NELL2: variants seen among roughly 807,000 people sequenced by gnomAD.
NELL2 encodes neural EGFL like 2.
In NELL2, 41 loss-of-function variants were observed where a neutral mutation model predicts 109.6. That is an observed-to-expected ratio of 0.37 (90% CI 0.29 to 0.49). NELL2 has a LOEUF of 0.49. Among genes scored for constraint, NELL2 ranks in the 20% least tolerant of loss-of-function variants. The pLI, the probability that NELL2 is intolerant of heterozygous loss-of-function variation, is 0.98. For missense variants in NELL2, 900 were observed against 1,008.3 expected (o/e 0.89, Z 1.45); for synonymous variants, 355 against 344.7 (o/e 1.03, Z -0.33).
intron 15 of NELL2, among the ~76,000 whole-genome samples, chr12:44,592,070 G>A (rs551485666): frequency 1.1e-4 from 16 of 152,214 alleles, no homozygotes; most frequent in African/African-American, 3.9e-4. Flanking sequence ...AATGGGGAAG[G>A]GGTAAAAGCA....
chr12:44,826,536 CT>C (rs1249167001), intron 2 of NELL2, among the ~76,000 whole-genome samples: 1 of 152,166 alleles, frequency 6.6e-6, no homozygotes, highest in Non-Finnish European at 1.5e-5. Flanking sequence ...ATTAACACTA[CT>C]ATATACAAAG....
At chr12:44,869,509 A>G (rs1276957451) in intron 2 of NELL2, among the ~76,000 whole-genome samples, 2 of 152,134 alleles carry the variant, frequency 1.3e-5, no homozygotes, top group African/African-American at 2.4e-5. Context: ...TGATTCTTTC[A>G]GGCCACACCA....
chr12:44,750,695 G>C (rs1940612789), intron 9 of NELL2, among the ~76,000 whole-genome samples: 1 of 152,082 alleles, frequency 6.6e-6, no homozygotes, highest in East Asian at 1.9e-4. Context: ...GCGGGTCAAA[G>C]CGTTCAGGAA....
chr12:44,516,098 A>T (rs1941244654), intron 19 of NELL2, among the ~76,000 whole-genome samples: 1 of 151,866 alleles, frequency 6.6e-6, no homozygotes, highest in African/African-American at 2.4e-5. Context: ...AATTTTTATT[A>T]TAAGCATTGT....
chr12:44,681,467 G>A (rs1028459423), intron 12 of NELL2, among the ~76,000 whole-genome samples: 3 of 151,306 alleles, frequency 2.0e-5, no homozygotes, highest in Non-Finnish European at 2.9e-5. Flanking sequence ...TGCACAATGT[G>A]CAGGTTAGTT....
chr12:44,858,949 AAAC>A (rs1026736598), intron 2 of NELL2, among the ~76,000 whole-genome samples: 6 of 152,192 alleles, frequency 3.9e-5, no homozygotes, highest in African/African-American at 7.2e-5. Context: ...TTGCAAACAC[AAAC>A]AACAACAACA....
At chr12:44,632,934 T>C (rs1946508196) in intron 13 of NELL2, among the ~76,000 whole-genome samples, 1 of 151,934 alleles carries the variant, frequency 6.6e-6, no homozygotes, top group South Asian at 2.1e-4. Context: ...AGAGTCTTCT[T>C]GACTACACTA....
chr12:44,655,518 A>G (rs1404105620), intron 13 of NELL2, among the ~76,000 whole-genome samples: 1 of 152,196 alleles, frequency 6.6e-6, no homozygotes, highest in Admixed American at 6.5e-5. Context: ...GTATGCATGC[A>G]CATATGTGTT....
intron 1 of NELL2, among the ~76,000 whole-genome samples, chr12:44,884,442 C>T (rs1475961008): frequency 6.6e-6 from 1 of 151,920 alleles, no homozygotes; most frequent in Non-Finnish European, 1.5e-5. Flanking sequence ...CTAGTCTTAT[C>T]TAGTTTCAAC....
rs1940848263 is a variant in NELL2 at position 44,508,881 on chromosome 12, C to CT, written c.*52dup. The CT allele has an allele frequency of 6.6e-6, 10 of 1,510,952 alleles. No individual in the cohort carries two copies. The highest frequency in any genetic ancestry group is 1.7e-4 in the Middle Eastern group (1 of 5,776). 93.6% of individuals were successfully genotyped at this position (1,510,952 alleles called of 1,614,324 possible). A position where few individuals can be genotyped will look rare whatever the true frequency, so the allele number is the denominator to read the frequency against. Reference sequence around the variant, plus strand: ...ATTTAAGTTTTAACTTCTTTTTGGTCTTTTAATGAAAGAACATTCTTTTAA... The same window carrying CT: ...ATTTAAGTTTTAACTTCTTTTTGGTCTTTTTAATGAAAGAACATTCTTTTAA... On this transcript the variant is annotated 3_prime_UTR_variant, in exon 20 of 20. Transcript: ENST00000429094.
At chr12:44,587,737 G>GA (rs1157559882) in intron 15 of NELL2, among the ~76,000 whole-genome samples, 1 of 152,082 alleles carries the variant, frequency 6.6e-6, no homozygotes, top group Non-Finnish European at 1.5e-5. Flanking sequence ...AAATCTCAGG[G>GA]AAAAAAGTCT....
chr12:44,709,236 C>A (rs1340336591), intron 11 of NELL2, among the ~76,000 whole-genome samples: 1 of 152,140 alleles, frequency 6.6e-6, no homozygotes, highest in Non-Finnish European at 1.5e-5. Flanking sequence ...CCTGTGAGTG[C>A]TTTGACCAAT....
At chr12:44,512,683 G>C (rs552278905) in intron 19 of NELL2, among the ~76,000 whole-genome samples, 1 of 152,170 alleles carries the variant, frequency 6.6e-6, no homozygotes, top group African/African-American at 2.4e-5. Context: ...ACATGGATGA[G>C]ACTTGGAGGA....
chr12:44,626,038 A>G (rs1445877446), intron 13 of NELL2, among the ~76,000 whole-genome samples: 1 of 152,160 alleles, frequency 6.6e-6, no homozygotes, highest in Admixed American at 6.6e-5. Flanking sequence ...TCTCTAAAAA[A>G]TGTTTTCCCT....
intron 3 of NELL2, among the ~76,000 whole-genome samples, chr12:44,793,085 C>A (rs1053391441): frequency 2.6e-5 from 4 of 151,910 alleles, no homozygotes; most frequent in Non-Finnish European, 4.4e-5. Flanking sequence ...ATTAAGTAAA[C>A]AAAAAGGCTG....
intron 9 of NELL2, among the ~76,000 whole-genome samples, chr12:44,728,764 G>T (rs533305803): frequency 6.6e-6 from 1 of 152,148 alleles, no homozygotes; most frequent in Non-Finnish European, 1.5e-5. Flanking sequence ...CAAGGGAACT[G>T]CCATCAGACT....
upstream of NELL2, among the ~76,000 whole-genome samples, chr12:44,914,918 C>T (rs1945816425): frequency 1.3e-5 from 2 of 151,524 alleles, no homozygotes; most frequent in Admixed American, 1.3e-4. Flanking sequence ...GGCGTGATCT[C>T]GGCTCACTGT....
At chr12:44,873,646 TC>T (rs548407142) in intron 2 of NELL2, among the ~76,000 whole-genome samples, 129 of 152,172 alleles carry the variant, frequency 8.5e-4, no homozygotes, top group Non-Finnish European at 1.6e-3. Context: ...CATAAAGCTT[TC>T]CAGTTACTCG....
intron 15 of NELL2, among the ~76,000 whole-genome samples, chr12:44,570,984 G>A (rs1159838247): frequency 6.6e-6 from 1 of 152,138 alleles, no homozygotes; most frequent in East Asian, 1.9e-4. Flanking sequence ...ACCTATTGGG[G>A]TTCTTCTATA....
Sources: allele counts gnomAD v4.1 joint callset (sites outside exome capture counted in the v4.1 genomes callset), GRCh38; gene constraint gnomAD v4.1.1; transcripts MANE v1.5; gene names NCBI Gene and HGNC (gene_info 2026-07-23, HGNC 2026-07-21).